The following EP400 variants were observed in gnomAD, a reference collection of about 807,000 sequenced individuals.
The protein encoded by EP400 is E1A binding protein p400.
A neutral mutation model predicts 354.1 loss-of-function variants in EP400; 105 were observed. The observed-to-expected ratio is 0.30, with a 90% CI of 0.25 to 0.35. The LOEUF (loss-of-function observed/expected upper bound fraction) is 0.35, where lower values mean the gene tolerates loss of function less well. Ranked by LOEUF, EP400 falls within the 10% of genes least tolerant of loss-of-function variation. EP400 has a pLI of 1.00. For missense variants in EP400, 3,280 were observed against 4,121.0 expected, an observed-to-expected ratio of 0.80 and a Z score of 5.59; for synonymous variants, 1,646 against 1,716.9, an observed-to-expected ratio of 0.96 and a Z score of 1.02.
chr12:132,037,156 G>A (rs889538534), intron 30 of EP400, among the ~76,000 whole-genome samples: 4 of 152,154 alleles, frequency 2.6e-5, no homozygotes, highest in Non-Finnish European at 5.9e-5. Context: ...TGCACTGGGG[G>A]TCCGTCTGTC....
At chr12:131,986,385 G>T (rs938350984) in intron 5 of EP400, 129 bp from the exon 6 acceptor site, 19 of 832,170 alleles carry the variant, frequency 2.3e-5, no homozygotes, top group South Asian at 1.0e-4. Flanking sequence ...TGATTTGTCT[G>T]CTTGCATCGT....
chr12:132,060,522 T>C (rs1895656013), intron 45 of EP400, among the ~76,000 whole-genome samples: 1 of 152,194 alleles, frequency 6.6e-6, no homozygotes, highest in Non-Finnish European at 1.5e-5. Flanking sequence ...GGCTCACTTG[T>C]CAGCAGCAGC....
chr12:132,070,339 T>C lies in EP400; in HGVS notation c.9021+698T>C, dbSNP rs1896031124. 1.3e-5 allele frequency among the ~76,000 whole-genome samples: 2 copies of C among 152,230 alleles called. No homozygotes were observed. Among genetic ancestry groups the C allele is most frequent in the Non-Finnish European group, 2.9e-5 (2 of 68,040 alleles). On this transcript the variant is annotated intron_variant, in intron 51 of 52. Transcript: ENST00000389561. The surrounding 1 kb of genome is among the most constrained non-coding windows in gnomAD (Gnocchi z 4.1). ...TTTGATGTGCTCTATGAATACCCTA[T>C]TTTCAGCCCCATTTATTTAAAAGCC... is the stretch of plus-strand genomic sequence containing the variant.
At chr12:131,955,290 C>T (rs1450353622) in intron 1 of EP400, among the ~76,000 whole-genome samples, 1 of 151,326 alleles carries the variant, frequency 6.6e-6, no homozygotes, top group Non-Finnish European at 1.5e-5. Flanking sequence ...AAAGTTTATG[C>T]TTTTTTTTTG....
At chr12:132,077,305 G>C (rs1593394476) in intron 52 of EP400, 96 bp from the exon 53 acceptor site, 1 of 1,470,478 alleles carries the variant, frequency 6.8e-7, no homozygotes, top group Non-Finnish European at 9.2e-7. Context: ...AGTCAGTGAA[G>C]TTTCTCGAGT....
chr12:132,007,102 A>G (rs1317970573), intron 15 of EP400, among the ~76,000 whole-genome samples: 1 of 152,214 alleles, frequency 6.6e-6, no homozygotes, highest in Non-Finnish European at 1.5e-5. Context: ...TAAAATACAG[A>G]GACTCGTCAG....
intron 12 of EP400, among the ~76,000 whole-genome samples, chr12:132,004,571 T>A (rs1285219162): frequency 6.6e-6 from 1 of 152,266 alleles, no homozygotes; most frequent in Non-Finnish European, 1.5e-5. Flanking sequence ...TTTTATTTAT[T>A]AGTCTATACT....
chr12:132,037,564 A>T, intron 30 of EP400, 118 bp from the exon 31 acceptor site: 1 of 783,738 alleles, frequency 1.3e-6, no homozygotes, highest in South Asian at 1.6e-5. Flanking sequence ...GCATGTTCTG[A>T]GCAGGGGTAG....
chr12:131,969,522 A>G (rs940132363), intron 2 of EP400, among the ~76,000 whole-genome samples: 2 of 152,030 alleles, frequency 1.3e-5, no homozygotes, highest in Admixed American at 6.6e-5. Context: ...TGATTGGCCA[A>G]TTGGAGCCTC....
chr12:132,006,964 G>A, intron 15 of EP400, 87 bp downstream of exon 15: 4 of 1,463,860 alleles, frequency 2.7e-6, no homozygotes, highest in Middle Eastern at 4.1e-4. Flanking sequence ...TGGGGACTTG[G>A]CTATCTTATC....
In EP400 at chr12:132,028,331, T is replaced by C. The variant is rs1366223312; in HGVS notation, c.5381+43T>C. On this transcript the variant is annotated intron_variant, in intron 27 of 52. Transcript: ENST00000389561. Reference sequence around the variant, plus strand: ...ACCTTTTCGGTGCTCTCTGGCTGCATTGCACCCCGGCAAGACCCCTTCTTG... The same window carrying C: ...ACCTTTTCGGTGCTCTCTGGCTGCACTGCACCCCGGCAAGACCCCTTCTTG... 5 of 1,597,318 alleles carry C rather than the reference T, an allele frequency of 3.1e-6. No homozygotes were observed. The African/African-American group carries it at 4.0e-5, about 13-fold the overall frequency.
rs1895921927 is a variant in EP400, at chr12:132,067,263, TGTTA to T, written c.8750-98_8750-95del. 6.6e-7 allele frequency: 1 copy of T among 1,503,910 alleles called. No homozygotes were observed. Among genetic ancestry groups the T allele is most frequent in the Non-Finnish European group, 8.9e-7 (1 of 1,117,800 alleles). The allele number at this position is 1,503,910 out of a possible 1,614,324, so 93.2% of individuals were successfully genotyped here. A position where few individuals can be genotyped will look rare whatever the true frequency, so the allele number is the denominator to read the frequency against. On this transcript the variant is annotated intron_variant, in intron 49 of 52. Transcript: ENST00000389561. The surrounding 1 kb of genome is among the most constrained non-coding windows in gnomAD (Gnocchi z 5.3). ...CTTGTCTCCATAGAGTTTCATAGTT[TGTTA>T]TTTTCTGTAGAGGTGAGTCAGTTGG...
chr12:132,074,551 G>T (rs140458662), intron 51 of EP400, among the ~76,000 whole-genome samples: 412 of 152,222 alleles, frequency 2.7e-3, no homozygotes, highest in African/African-American at 8.8e-3. Context: ...CTTGAATCTC[G>T]GGCAGTCTCT....
intron 10 of EP400, 109 bp downstream of exon 10, chr12:131,991,565 T>G: frequency 1.1e-6 from 1 of 950,624 alleles, no homozygotes; most frequent in Admixed American, 2.3e-5. Context: ...GACTATTACT[T>G]CCTTTCTTTT....
Position 132,025,840 on chromosome 12 carries a change from G to GA in EP400, c.5014+37dup. 1 of 1,537,542 alleles carries GA rather than the reference G, an allele frequency of 6.5e-7. No individual in the cohort carries two copies. Among genetic ancestry groups the GA allele is most frequent in the Non-Finnish European group, 8.7e-7 (1 of 1,145,472 alleles). On this transcript the variant is annotated intron_variant, in intron 25 of 52. Coordinates refer to ENST00000389561, the MANE Select transcript of EP400 (RefSeq NM_015409.5). The surrounding 1 kb of genome is among the most constrained non-coding windows in gnomAD (Gnocchi z 4.1). Reference sequence around the variant, plus strand: ...CTGAGCAGGAGGGAGACTTGGCTTGGATGCTTCTTTCTCTTCCATCTAAGG... The same window carrying GA: ...CTGAGCAGGAGGGAGACTTGGCTTGGAATGCTTCTTTCTCTTCCATCTAAGG...
At chr12:132,024,488 A>T (rs1387076273) in intron 24 of EP400, among the ~76,000 whole-genome samples, 1 of 152,226 alleles carries the variant, frequency 6.6e-6, no homozygotes, top group African/African-American at 2.4e-5. Flanking sequence ...ATTTTCTTCT[A>T]TCAGCAGACT....
At position 132,020,163 on chromosome 12, in the gene EP400, C is replaced by T. The variant is rs769167571; in HGVS notation, c.4392C>T (p.Gly1464=). The T allele has an allele frequency of 6.2e-7, 1 of 1,611,228 alleles. No homozygotes were observed. The highest frequency in any genetic ancestry group is 8.5e-7 in the Non-Finnish European group (1 of 1,178,928). The part of the protein sequence containing the change: ...APTTASAAPQ[G]PLRGRPPIAT... ...CCACGGCCTCTGCTGCTCCACAGGG[C>T]CCGCTTCGAGGACGGCCGCCCATCG... Residue 1464 remains glycine, a synonymous_variant, in exon 22 of 53, where the codon GGC becomes GGT. Transcript: ENST00000389561.
intron 37 of EP400, 50 bp downstream of exon 37, chr12:132,045,003 A>G: frequency 1.2e-6 from 2 of 1,602,792 alleles, no homozygotes; most frequent in Non-Finnish European, 1.7e-6. Flanking sequence ...TGGCCTGCAG[A>G]ATCCCTGCAT....
At chr12:131,982,838 C>T (rs933317255) in intron 5 of EP400, among the ~76,000 whole-genome samples, 37 of 152,052 alleles carry the variant, frequency 2.4e-4, no homozygotes, top group South Asian at 6.2e-4. Context: ...GGCGTGGTGG[C>T]AAGTGCCTGT....
Sources: allele counts gnomAD v4.1 joint callset (sites outside exome capture counted in the v4.1 genomes callset), GRCh38; gene constraint gnomAD v4.1.1; non-coding constraint Gnocchi (gnomAD v3.1); transcripts MANE v1.5; gene names NCBI Gene and HGNC (gene_info 2026-07-23, HGNC 2026-07-21).